SLC13A3: variants seen among roughly 807,000 people sequenced by gnomAD.
SLC13A3 encodes Na(+)/dicarboxylate cotransporter 3.
Under a neutral mutation model 59.0 loss-of-function variants are expected in SLC13A3, and 40 were observed. That is an observed-to-expected ratio of 0.68 (90% CI 0.53 to 0.88). SLC13A3 has a LOEUF of 0.88. Among genes scored for constraint, SLC13A3 ranks in the 40% least tolerant of loss-of-function variants. The pLI, the probability that SLC13A3 is intolerant of heterozygous loss-of-function variation, is 0.00. For synonymous variants in SLC13A3, 317 were observed against 330.3 expected (o/e 0.96, Z 0.44); for missense variants, 699 against 783.2 (o/e 0.89, Z 1.28).
chr20:46,594,105 T>A (rs1254755395), intron 5 of SLC13A3, among the ~76,000 whole-genome samples: 4 of 151,942 alleles, frequency 2.6e-5, no homozygotes, highest in Non-Finnish European at 4.4e-5. Context: ...TCCTTTTAAA[T>A]CCCCTCTTCC....
intron 2 of SLC13A3, among the ~76,000 whole-genome samples, chr20:46,611,670 C>T (rs4810533): frequency 0.31 from 46,541 of 152,080 alleles, 7,355 homozygotes; most frequent in South Asian, 0.42. Flanking sequence ...CCACTGCCAC[C>T]TCCTAGTCCA....
At position 46,584,054 on chromosome 20, in the gene SLC13A3, C is replaced by G. The variant is rs962213149; in HGVS notation, c.1122-385G>C. 7 of 985,230 alleles carry G rather than the reference C, an allele frequency of 7.1e-6. No homozygotes were observed. The African/African-American group carries it at 1.2e-4, about 17-fold the overall frequency. 61.0% of individuals were successfully genotyped at this position (985,230 alleles called of 1,614,324 possible). A position where few individuals can be genotyped will look rare whatever the true frequency, so the allele number is the denominator to read the frequency against. ...CTTTGTTCAGCTTGTGCTTGAATCC[C>G]TCCTGGGATGGGCAGCTCACTGCAT... On this transcript the variant is annotated intron_variant, in intron 8 of 12. Coordinates refer to ENST00000279027, the MANE Select transcript of SLC13A3 (RefSeq NM_022829.6).
chr20:46,565,166 G>C (rs847066), intron 11 of SLC13A3, among the ~76,000 whole-genome samples: 1 of 152,128 alleles, frequency 6.6e-6, no homozygotes, highest in East Asian at 1.9e-4. Flanking sequence ...CTGATCATGT[G>C]TATATTGTTC....
At position 46,593,492 on chromosome 20, in the gene SLC13A3, T is replaced by C. The variant is rs563847091; in HGVS notation, c.795-963A>G. ...ATAACAAATAAGCAAACAAAAATATTAATAAACTCTATATAGTGGGATTCT... is the reference window on the plus strand; with the variant it reads ...ATAACAAATAAGCAAACAAAAATATCAATAAACTCTATATAGTGGGATTCT... On this transcript the variant is annotated intron_variant, in intron 5 of 12. Transcript: ENST00000279027. Among the ~76,000 whole-genome samples, 9 of 152,298 alleles carry C rather than the reference T, an allele frequency of 5.9e-5. No individual in the cohort carries two copies. The South Asian group carries it at 1.9e-3, about 32-fold the overall frequency.
chr20:46,608,836 G>A (rs562725112), intron 3 of SLC13A3: 22 of 1,521,596 alleles, frequency 1.4e-5, no homozygotes, highest in East Asian at 4.9e-5. Context: ...AAGCCACAGG[G>A]GCAGATCTGC....
chr20:46,683,996 CCT>C (rs2063166624), intron 1 of SLC13A3, among the ~76,000 whole-genome samples: 1 of 152,162 alleles, frequency 6.6e-6, no homozygotes, highest in Admixed American at 6.5e-5. Context: ...TGTTAAAAAC[CCT>C]GAGTCCCATT....
At chr20:46,647,555 C>A (rs957058408) in intron 1 of SLC13A3, among the ~76,000 whole-genome samples, 6 of 152,194 alleles carry the variant, frequency 3.9e-5, no homozygotes, top group South Asian at 2.1e-4. Flanking sequence ...CTCTTCATAG[C>A]AAGAGCTAGG....
At chr20:46,573,542 T>A (rs1366749073) in intron 10 of SLC13A3, among the ~76,000 whole-genome samples, 1 of 152,170 alleles carries the variant, frequency 6.6e-6, no homozygotes, top group Non-Finnish European at 1.5e-5. Context: ...CATCCCAGAG[T>A]CTGCTTCCTG....
intron 1 of SLC13A3, among the ~76,000 whole-genome samples, chr20:46,678,001 A>G (rs2063136080): frequency 6.6e-6 from 1 of 152,226 alleles, no homozygotes; most frequent in Non-Finnish European, 1.5e-5. Flanking sequence ...ATTGTTTAAC[A>G]TTGGCAACTA....
chr20:46,592,287 G>A (rs1213242360), intron 6 of SLC13A3, 117 bp downstream of exon 6: 1 of 1,294,180 alleles, frequency 7.7e-7, no homozygotes, highest in African/African-American at 1.5e-5. Flanking sequence ...ATAAAAGAAA[G>A]AAATGAGAAT....
At chr20:46,613,768 G>A (rs1395012475) in intron 1 of SLC13A3, 43 bp from the exon 2 acceptor site, 6 of 1,538,634 alleles carry the variant, frequency 3.9e-6, no homozygotes, top group Admixed American at 3.8e-5. Flanking sequence ...CGGGGCTCGG[G>A]GCAGAAGGGG....
At chr20:46,609,173 T>C (rs1045521311) in intron 3 of SLC13A3, 33 of 1,411,990 alleles carry the variant, frequency 2.3e-5, no homozygotes, top group Non-Finnish European at 2.8e-5. Flanking sequence ...AGTAAGACAT[T>C]TTAAAGTGAC....
chr20:46,560,656 A>G (rs1028370178), intron 12 of SLC13A3, among the ~76,000 whole-genome samples: 1 of 152,122 alleles, frequency 6.6e-6, no homozygotes, highest in East Asian at 1.9e-4. Context: ...ACACGCATGC[A>G]TGTAGGAACA....
chr20:46,605,717 T>C (rs759700412), intron 3 of SLC13A3, among the ~76,000 whole-genome samples: 31 of 152,064 alleles, frequency 2.0e-4, no homozygotes, highest in Admixed American at 6.5e-5. Flanking sequence ...TGAACCTCGG[T>C]CCATCTCCAA....
At chr20:46,587,198 C>A (rs1192185810) in intron 8 of SLC13A3, among the ~76,000 whole-genome samples, 8 of 152,156 alleles carry the variant, frequency 5.3e-5, no homozygotes, top group Non-Finnish European at 8.8e-5. Flanking sequence ...CTATTGAGTT[C>A]TTTTTATGAG....
chr20:46,646,028 A>G (rs970193618), intron 1 of SLC13A3, among the ~76,000 whole-genome samples: 1 of 152,218 alleles, frequency 6.6e-6, no homozygotes, highest in African/African-American at 2.4e-5. Flanking sequence ...GATTCACTCC[A>G]TTCTGGGGTG....
intron 9 of SLC13A3, chr20:46,582,993 T>C (rs746196747): frequency 2.6e-5 from 26 of 985,786 alleles, no homozygotes; most frequent in Admixed American, 1.8e-4. Flanking sequence ...TCCCCAACAC[T>C]TCCTATACGG....
At chr20:46,681,614 C>G (rs1349052011) in intron 1 of SLC13A3, 2 of 152,188 alleles carry the variant, frequency 1.3e-5, no homozygotes, top group African/African-American at 4.8e-5. Flanking sequence ...CCTAGTTCCC[C>G]AAGAGGTTCA....
At chr20:46,585,215 T>C (rs2062178836) in intron 8 of SLC13A3, 1 of 979,016 alleles carries the variant, frequency 1.0e-6, no homozygotes, top group African/African-American at 1.8e-5. Context: ...TTACAGTCTT[T>C]TGTTATATGT....
Sources: gnomAD v4.1 joint callset for allele counts (sites outside exome capture counted in the v4.1 genomes callset) on GRCh38, gnomAD v4.1.1 for gene constraint, MANE v1.5 for transcripts, NCBI Gene and HGNC (gene_info 2026-07-23, HGNC 2026-07-21) for gene names.